The following PTPRD variants were observed in gnomAD, a reference collection of about 807,000 sequenced individuals.
PTPRD encodes protein tyrosine phosphatase receptor type D.
A neutral mutation model predicts 214.5 loss-of-function variants in PTPRD; 34 were observed. The observed-to-expected ratio is 0.16, with a 90% confidence interval of 0.12 to 0.21. The LOEUF (loss-of-function observed/expected upper bound fraction) is 0.21, where lower values mean the gene tolerates loss of function less well. Among genes scored for constraint, PTPRD ranks in the 10% least tolerant of loss-of-function variants. The pLI is 1.00. For missense variants in PTPRD, 2,545 were observed against 2,398.7 expected, an observed-to-expected ratio of 1.06 and a Z score of -1.27; for synonymous variants, 1,128 against 845.7, an observed-to-expected ratio of 1.33 and a Z score of -5.79.
At position 9,877,679 on chromosome 9, in the gene PTPRD, T is replaced by C. The variant is rs372453623; in HGVS notation, c.-368+60828A>G. On this transcript the variant is annotated intron_variant, in intron 5 of 45. Coordinates refer to ENST00000381196, the MANE Select transcript of PTPRD (RefSeq NM_002839.4). Reference sequence around the variant, plus strand: ...AGGTTTTGATTAAGTGTACAAACTCTTGAAGAAATGCTGGGCCAGGCACAG... The same window carrying C: ...AGGTTTTGATTAAGTGTACAAACTCCTGAAGAAATGCTGGGCCAGGCACAG... Among the ~76,000 whole-genome samples the C allele has an allele frequency of 2.2e-4, 33 of 152,088 alleles. No individual in the cohort carries two copies. In the South Asian group the frequency reaches 6.7e-3, roughly 31 times the overall value.
At chr9:9,231,984 T>A (rs1461740813) in intron 9 of PTPRD, among the ~76,000 whole-genome samples, 2 of 152,150 alleles carry the variant, frequency 1.3e-5, no homozygotes, top group Non-Finnish European at 2.9e-5. Flanking sequence ...TGTCCAAAGG[T>A]GCATCTCCAC....
chr9:9,715,297 G>C (rs978588525), intron 7 of PTPRD, among the ~76,000 whole-genome samples: 14 of 152,050 alleles, frequency 9.2e-5, no homozygotes, highest in African/African-American at 3.4e-4. Flanking sequence ...AAATTCTCAA[G>C]GCTTGACACT....
At chr9:8,841,676 A>T (rs2097560357) in intron 11 of PTPRD, among the ~76,000 whole-genome samples, 1 of 132,352 alleles carries the variant, frequency 7.6e-6, no homozygotes, top group African/African-American at 2.6e-5. Context: ...TTGATTATAA[A>T]ACTGGAGGTA....
At chr9:9,314,933 T>C (rs1211103390) in intron 9 of PTPRD, among the ~76,000 whole-genome samples, 1 of 152,054 alleles carries the variant, frequency 6.6e-6, no homozygotes, top group Non-Finnish European at 1.5e-5. Context: ...ATTACAGTAA[T>C]TTACTTTGTC....
rs573947892 is a variant in PTPRD at position 9,676,744 on chromosome 9, C to T, written c.-287+57789G>A. ...TTGAACTAGTTTACAGTCCCACCAA[C>T]GTGTAAAAGTGTTCCTATTTCTCCA... is the stretch of plus-strand genomic sequence containing the variant. On this transcript the variant is annotated intron_variant, in intron 7 of 45. Coordinates refer to ENST00000381196, the MANE Select transcript of PTPRD (RefSeq NM_002839.4). 2.7e-3 allele frequency among the ~76,000 whole-genome samples: 405 copies of T among 152,104 alleles called. 2 individuals carry two copies. Among genetic ancestry groups the T allele is most frequent in the African/African-American group, 9.1e-3 (377 of 41,530 alleles).
At chr9:9,603,019 G>C (rs565222196) in intron 7 of PTPRD, among the ~76,000 whole-genome samples, 7 of 150,382 alleles carry the variant, frequency 4.7e-5, no homozygotes, top group African/African-American at 1.7e-4. Flanking sequence ...AAAAGAGTAA[G>C]AAAAAAAAAG....
At chr9:10,162,057 A>G (rs531907585) in intron 3 of PTPRD, among the ~76,000 whole-genome samples, 1 of 151,814 alleles carries the variant, frequency 6.6e-6, no homozygotes, top group East Asian at 1.9e-4. Context: ...GCTAGTGAGG[A>G]TGTGGAGAAA....
intron 44 of PTPRD, among the ~76,000 whole-genome samples, chr9:8,329,536 G>A (rs1487829828): frequency 1.3e-5 from 2 of 152,246 alleles, no homozygotes; most frequent in South Asian, 4.2e-4. Context: ...ATCAGAGCTC[G>A]AACACTGCAC....
rs1567098279 is a variant in PTPRD, at chr9:8,934,450, TTTATATATATATAAATATATATATATAA to T, written c.-104+84219_-104+84246del. 7.8e-4 allele frequency among the ~76,000 whole-genome samples: 29 copies of T among 37,268 alleles called. 1 individual carries two copies. The highest frequency in any genetic ancestry group is 1.1e-3 in the African/African-American group (16 of 14,316). 24.4% of individuals were successfully genotyped at this position (37,268 alleles called of 152,430 possible). ...ATATATATATAAATATATATATAAA[TTTATATATATATAAATATATATATATAA>T]ATATATATATATATAAATATATATA... On this transcript the variant is annotated intron_variant, in intron 11 of 45. Coordinates refer to ENST00000381196, the MANE Select transcript of PTPRD (RefSeq NM_002839.4).
chr9:8,393,134 T>TG (rs770468989), intron 36 of PTPRD, among the ~76,000 whole-genome samples: 6 of 152,148 alleles, frequency 3.9e-5, no homozygotes, highest in Non-Finnish European at 8.8e-5. Flanking sequence ...TTCCACTTTT[T>TG]GGGGGGTGAC....
At chr9:8,854,055 A>T (rs1027048122) in intron 11 of PTPRD, among the ~76,000 whole-genome samples, 1 of 152,194 alleles carries the variant, frequency 6.6e-6, no homozygotes, top group African/African-American at 2.4e-5. Flanking sequence ...AGCACTTCAT[A>T]TATCTGGGCA....
chr9:10,050,283 G>A (rs1017316145), intron 3 of PTPRD, among the ~76,000 whole-genome samples: 9 of 151,912 alleles, frequency 5.9e-5, no homozygotes, highest in South Asian at 2.1e-4. Flanking sequence ...TGACTCGGCC[G>A]GGCTCGGTGG....
chr9:8,741,028 T>A (rs560934378), intron 11 of PTPRD, among the ~76,000 whole-genome samples: 1 of 152,330 alleles, frequency 6.6e-6, no homozygotes, highest in East Asian at 1.9e-4. Context: ...CTATAGTTTA[T>A]GATTCACTTT....
intron 2 of PTPRD, among the ~76,000 whole-genome samples, chr9:10,367,654 A>G (rs887083195): frequency 6.6e-6 from 1 of 152,194 alleles, no homozygotes; most frequent in African/African-American, 2.4e-5. Context: ...GGCGGGGAGA[A>G]GAGAGTATGT....
chr9:9,465,435 A>G (rs139141518), intron 8 of PTPRD, among the ~76,000 whole-genome samples: 1 of 152,320 alleles, frequency 6.6e-6, no homozygotes, highest in East Asian at 1.9e-4. Flanking sequence ...TGATTGTTTG[A>G]GTCAGAGGAG....
intron 7 of PTPRD, among the ~76,000 whole-genome samples, chr9:9,633,977 G>A (rs191747271): frequency 2.0e-5 from 3 of 152,240 alleles, no homozygotes; most frequent in East Asian, 3.9e-4. Flanking sequence ...CTGCTGTCAA[G>A]GGTGGGAGAA....
chr9:8,994,563 G>T (rs2099389365), intron 11 of PTPRD, among the ~76,000 whole-genome samples: 2 of 152,044 alleles, frequency 1.3e-5, no homozygotes, highest in Non-Finnish European at 2.9e-5. Flanking sequence ...AGCTTAGAGG[G>T]AGAAGAAAAG....
chr9:9,814,307 AG>A (rs2048062369), intron 5 of PTPRD, among the ~76,000 whole-genome samples: 1 of 104,420 alleles, frequency 9.6e-6, no homozygotes, highest in Admixed American at 1.0e-4. Context: ...TAGGTAAGAA[AG>A]AAAAAAAAAA....
chr9:9,588,736 T>C (rs913051184), intron 7 of PTPRD, among the ~76,000 whole-genome samples: 6 of 151,910 alleles, frequency 3.9e-5, no homozygotes, highest in African/African-American at 1.4e-4. Context: ...AAAAGACAAA[T>C]GAAATGTTAC....
Sources: allele counts gnomAD v4.1 joint callset (sites outside exome capture counted in the v4.1 genomes callset), GRCh38; gene constraint gnomAD v4.1.1; transcripts MANE v1.5; gene names NCBI Gene and HGNC (gene_info 2026-07-23, HGNC 2026-07-21).